The following NBEA variants were observed in gnomAD, a reference collection of about 807,000 sequenced individuals.
NBEA encodes neurobeachin.
A neutral mutation model predicts 343.4 loss-of-function variants in NBEA; 44 were observed. The ratio of observed to expected loss-of-function variants is 0.13; its 90% CI spans 0.10 to 0.16. The LOEUF is 0.16. Among genes scored for constraint, NBEA ranks in the 10% least tolerant of loss-of-function variants. The pLI, the probability that NBEA is intolerant of heterozygous loss-of-function variation, is 1.00. For missense variants in NBEA, 2,555 were observed against 3,631.3 expected (o/e 0.70, Z 7.62); for synonymous variants, 1,175 against 1,238.7 (o/e 0.95, Z 1.08).
intron 36 of NBEA, among the ~76,000 whole-genome samples, chr13:35,337,434 A>C (rs2039330251): frequency 6.6e-6 from 1 of 152,142 alleles, no homozygotes; most frequent in South Asian, 2.1e-4. Context: ...TAATTATGTA[A>C]ATCCATCCAT....
chr13:35,274,619 C>T (rs2034442868), intron 34 of NBEA, among the ~76,000 whole-genome samples: 1 of 152,154 alleles, frequency 6.6e-6, no homozygotes, highest in Admixed American at 6.5e-5. Flanking sequence ...AAAACCCCAT[C>T]ATCTCAGCCC....
chr13:35,007,922 TTCACTTCTAA>T (rs2061368390), intron 1 of NBEA, among the ~76,000 whole-genome samples: 1 of 152,250 alleles, frequency 6.6e-6, no homozygotes, highest in Non-Finnish European at 1.5e-5. Flanking sequence ...TTAGCTTTTA[TTCACTTCTAA>T]TCATTTAGTA....
intron 41 of NBEA, among the ~76,000 whole-genome samples, chr13:35,535,891 G>A (rs547639916): frequency 6.6e-6 from 1 of 152,300 alleles, no homozygotes; most frequent in African/African-American, 2.4e-5. Context: ...ATGAGGGAAT[G>A]TGGCAAGGGT....
chr13:35,103,013 G>T (rs2065725256), intron 11 of NBEA, among the ~76,000 whole-genome samples: 1 of 151,676 alleles, frequency 6.6e-6, no homozygotes, highest in Non-Finnish European at 1.5e-5. Context: ...AGATTACTTT[G>T]TGTGGATTTT....
intron 4 of NBEA, 112 bp downstream of exon 4, chr13:35,045,513 A>T (rs1408115830): frequency 1.3e-6 from 1 of 796,840 alleles, no homozygotes; most frequent in Admixed American, 3.0e-5. Context: ...CAACTTGATG[A>T]GTTTGGAAGT....
At position 35,665,111 on chromosome 13, in the gene NBEA, C is replaced by G; in HGVS notation, c.8389C>G (p.Leu2797Val). 1 of 1,580,390 alleles carries G rather than the reference C, an allele frequency of 6.3e-7. No homozygotes were observed. The highest frequency in any genetic ancestry group is 8.6e-7 in the Non-Finnish European group (1 of 1,160,714). The change falls in exon 56 of 59, where the codon CTC (leucine) becomes GTC (valine). Residue 2797 changes from leucine to valine, a missense_variant. Coordinates refer to ENST00000379939, the MANE Select transcript of NBEA (RefSeq NM_001385012.1). ...TGACTATCCGGCACCAAGAGCCGTC[C>G]TCACAGGCCATGACCATGAAGTTGT... ...SSDYPAPRAV[L>V]TGHDHEVVCV...
At chr13:35,085,858 T>G (rs1221761261) in intron 10 of NBEA, among the ~76,000 whole-genome samples, 1 of 152,156 alleles carries the variant, frequency 6.6e-6, no homozygotes, top group Admixed American at 6.6e-5. Context: ...CAAAATCTCC[T>G]TAAGCTGATA....
chr13:35,032,274 A>G (rs759631585), intron 1 of NBEA, among the ~76,000 whole-genome samples: 22 of 151,906 alleles, frequency 1.4e-4, no homozygotes, highest in African/African-American at 3.1e-4. Flanking sequence ...CCAACAGCAC[A>G]TAAGTGTTCC....
chr13:35,217,052 C>A (rs1303068305), intron 33 of NBEA, among the ~76,000 whole-genome samples: 1 of 151,880 alleles, frequency 6.6e-6, no homozygotes, highest in Non-Finnish European at 1.5e-5. Context: ...TCATTGTTAC[C>A]AGCATTTTTT....
chr13:35,614,263 T>C (rs1457546343), intron 48 of NBEA, among the ~76,000 whole-genome samples: 1 of 152,224 alleles, frequency 6.6e-6, no homozygotes, highest in Non-Finnish European at 1.5e-5. Flanking sequence ...TTATTACTAC[T>C]TTGTTCCCTG....
chr13:35,015,785 T>G (rs534664246), intron 1 of NBEA, among the ~76,000 whole-genome samples: 2 of 152,250 alleles, frequency 1.3e-5, no homozygotes, highest in African/African-American at 4.8e-5. Context: ...ATATTCATAA[T>G]ATAAAAATAC....
chr13:35,447,490 T>TTATATA (rs138285284), intron 39 of NBEA, among the ~76,000 whole-genome samples: 7 of 150,658 alleles, frequency 4.6e-5, no homozygotes, highest in African/African-American at 1.7e-4. Flanking sequence ...ATACAGAGCT[T>TTATATA]TATATATATA....
chr13:35,179,248 CTT>C (rs1234081563), intron 28 of NBEA, among the ~76,000 whole-genome samples: 2 of 151,508 alleles, frequency 1.3e-5, no homozygotes, highest in Non-Finnish European at 3.0e-5. Context: ...TAACTGGAAA[CTT>C]AGGATAATAT....
intron 55 of NBEA, among the ~76,000 whole-genome samples, chr13:35,659,972 G>C (rs564975709): frequency 6.6e-6 from 1 of 152,182 alleles, no homozygotes; most frequent in East Asian, 1.9e-4. Context: ...CAGGCAATTT[G>C]TGCTAAAAGC....
chr13:35,543,987 T>G (rs190438214), intron 41 of NBEA, among the ~76,000 whole-genome samples: 78 of 152,238 alleles, frequency 5.1e-4, no homozygotes, highest in African/African-American at 1.9e-3. Context: ...AAAAAGAGCA[T>G]GGATGATCTC....
intron 26 of NBEA, 93 bp downstream of exon 26, chr13:35,171,545 T>A: frequency 1.0e-6 from 1 of 967,184 alleles, no homozygotes; most frequent in Non-Finnish European, 1.5e-6. Context: ...ATGATATAAG[T>A]TGATGATTAT....
chr13:35,475,406 C>T (rs757002523), intron 41 of NBEA: 7 of 1,613,514 alleles, frequency 4.3e-6, no homozygotes, highest in African/African-American at 4.0e-5. Context: ...TTTCTGCAGC[C>T]CCCCATCTGC....
chr13:35,468,122 C>A (rs1469475157), intron 40 of NBEA, among the ~76,000 whole-genome samples: 5 of 145,828 alleles, frequency 3.4e-5, no homozygotes, highest in African/African-American at 7.7e-5. Flanking sequence ...CCCCCCCACT[C>A]CCCTCCCCTG....
At chr13:35,317,668 A>G (rs185245331) in intron 36 of NBEA, among the ~76,000 whole-genome samples, 18 of 152,254 alleles carry the variant, frequency 1.2e-4, no homozygotes, top group African/African-American at 3.9e-4. Context: ...TGATGGGGAT[A>G]GCACTGAATC....
Sources: gnomAD v4.1 joint callset for allele counts (sites outside exome capture counted in the v4.1 genomes callset) on GRCh38, gnomAD v4.1.1 for gene constraint, MANE v1.5 for transcripts, NCBI Gene and HGNC (gene_info 2026-07-23, HGNC 2026-07-21) for gene names.